Variants in BRD3 observed in about 807,000 individuals in gnomAD.
The protein encoded by BRD3 is bromodomain-containing protein 3.
Under a neutral mutation model 66.8 loss-of-function variants are expected in BRD3, and 17 were observed. That is an observed-to-expected ratio of 0.25 (90% CI 0.17 to 0.38). The LOEUF is 0.38. Among genes scored for constraint, BRD3 ranks in the 10% least tolerant of loss-of-function variants. BRD3 has a pLI of 1.00. For synonymous variants in BRD3, 421 were observed against 393.2 expected (o/e 1.07, Z -0.84); for missense variants, 713 against 956.1 (o/e 0.75, Z 3.35).
chr9:134,067,679 CAAGCGG>C (rs1261595496), intron 1 of BRD3, among the ~76,000 whole-genome samples: 1 of 146,230 alleles, frequency 6.8e-6, no homozygotes, highest in Non-Finnish European at 1.5e-5. Context: ...CGGAGGCGGC[CAAGCGG>C]GAGCGGGAGG....
At chr9:134,052,284 T>C in intron 3 of BRD3, 22 bp downstream of exon 3, 2 of 1,610,662 alleles carry the variant, frequency 1.2e-6, no homozygotes, top group Non-Finnish European at 1.7e-6. Context: ...GCAAGCGGCG[T>C]GCCAGGCCCG....
chr9:134,065,158 C>G (rs1240083984), intron 1 of BRD3, among the ~76,000 whole-genome samples: 2 of 152,250 alleles, frequency 1.3e-5, no homozygotes, highest in Non-Finnish European at 2.9e-5. Context: ...GGCACGGTGG[C>G]TCATGCCTGT....
At position 134,045,951 on chromosome 9, in the gene BRD3, G is replaced by C. The variant is rs1454818612; in HGVS notation, c.1087-530C>G. ...AGCACCCTGGTATCCCAGGGGCCTAGCTGGACCTAAGGGACTCCACGCTGT... is the reference window on the plus strand; with the variant it reads ...AGCACCCTGGTATCCCAGGGGCCTACCTGGACCTAAGGGACTCCACGCTGT... On this transcript the variant is annotated intron_variant, in intron 6 of 11. Coordinates refer to ENST00000303407, the MANE Select transcript of BRD3 (RefSeq NM_007371.4). This position sits in a 1 kb window ranked among gnomAD's most constrained non-coding sequence, Gnocchi z 4.8. 6.6e-6 allele frequency among the ~76,000 whole-genome samples: 1 copy of C among 152,238 alleles called. No individual in the cohort carries two copies. The highest frequency in any genetic ancestry group is 1.5e-5 in the Non-Finnish European group (1 of 68,028).
At chr9:134,053,661 C>T (rs919471630) in intron 1 of BRD3, 71 bp from the exon 2 acceptor site, 79 of 1,372,952 alleles carry the variant, frequency 5.8e-5, no homozygotes, top group African/African-American at 3.4e-4. Context: ...CCAGCCTCGG[C>T]GGGCTCCTGA....
chr9:134,067,753 G>C (rs1200468248), intron 1 of BRD3, among the ~76,000 whole-genome samples, 192 bp downstream of exon 1: 2 of 145,030 alleles, frequency 1.4e-5, no homozygotes, highest in African/African-American at 4.9e-5. Flanking sequence ...CCGGGCGGCC[G>C]CCGCGCTTTG....
At chr9:134,047,733 G>C (rs1830205125) in intron 6 of BRD3, among the ~76,000 whole-genome samples, 1 of 152,216 alleles carries the variant, frequency 6.6e-6, no homozygotes, top group African/African-American at 2.4e-5. Flanking sequence ...GGGAAGCAAA[G>C]TGCAGCTTTA....
chr9:134,042,511 T>C (rs1305141085), intron 7 of BRD3, among the ~76,000 whole-genome samples: 1 of 152,054 alleles, frequency 6.6e-6, no homozygotes, highest in East Asian at 1.9e-4. Flanking sequence ...GCAGCACATG[T>C]CTGTGATCCT....
chr9:134,048,781 G>A (rs554190880), intron 5 of BRD3, among the ~76,000 whole-genome samples: 1 of 152,328 alleles, frequency 6.6e-6, no homozygotes, highest in African/African-American at 2.4e-5. Flanking sequence ...AGCCATGTGA[G>A]GTGCTGCATG....
intron 1 of BRD3, chr9:134,058,793 C>G (rs533462648): frequency 1.3e-5 from 2 of 152,318 alleles, no homozygotes; most frequent in Non-Finnish European, 2.9e-5. Flanking sequence ...AAGAAAAAAC[C>G]CAGTATCCCC....
intron 1 of BRD3, among the ~76,000 whole-genome samples, chr9:134,065,698 G>A (rs1035987467): frequency 1.3e-5 from 2 of 152,154 alleles, no homozygotes; most frequent in African/African-American, 2.4e-5. Flanking sequence ...ATCGACAACT[G>A]GGCATAGCTG....
intron 8 of BRD3, among the ~76,000 whole-genome samples, chr9:134,041,164 C>T (rs1487854229): frequency 3.3e-5 from 5 of 152,234 alleles, no homozygotes; most frequent in Admixed American, 2.6e-4. Context: ...GCTCTATTTT[C>T]TCCCAATCTG....
chr9:134,050,403 C>A lies in BRD3; in HGVS notation c.685G>T (p.Val229Leu). Residue 229 changes from valine to leucine, a missense_variant, in exon 5 of 12, where the codon GTG (valine) becomes TTG (leucine). This residue lies in a region of BRD3 where 120 missense variants were observed against 122.8 expected (regional missense o/e 0.98). Transcript: ENST00000303407. Reference protein sequence around the residue: ...PPPPATPIVPVVPPTPPVVKK... With the variant: ...PPPPATPIVPLVPPTPPVVKK... Reference sequence around the variant, plus strand: ...ACGACAGGCGGCGTAGGAGGGACCACGGGGACGATGGGTGTGGCAGGAGGA... The same window carrying A: ...ACGACAGGCGGCGTAGGAGGGACCAAGGGGACGATGGGTGTGGCAGGAGGA... The A allele has an allele frequency of 1.2e-6, 2 of 1,611,666 alleles. No individual in the cohort carries two copies. The highest frequency in any genetic ancestry group is 1.7e-6 in the Non-Finnish European group (2 of 1,179,574).
chr9:134,032,334 G>C lies in BRD3; in HGVS notation c.*1256C>G, dbSNP rs929437299. The C allele has an allele frequency of 2.3e-5, 5 of 213,712 alleles. No homozygotes were observed. The highest frequency in any genetic ancestry group is 1.1e-4 in the African/African-American group (5 of 43,486). The allele number at this position is 213,712 out of a possible 1,614,324, so 13.2% of individuals were successfully genotyped here. On this transcript the variant is annotated 3_prime_UTR_variant, in exon 12 of 12. Transcript: ENST00000303407. ...CCCTAAATTGATTTCTTTTAAAACA[G>C]TCTTAAAGAGACCAGAAGTGAATAC...
At chr9:134,043,538 CAGG>C (rs1830106243) in intron 7 of BRD3, among the ~76,000 whole-genome samples, 2 of 152,248 alleles carry the variant, frequency 1.3e-5, no homozygotes, top group South Asian at 4.1e-4. Flanking sequence ...GCTCTCCTCT[CAGG>C]AGATGTCCCC....
chr9:134,041,660 G>A (rs2106223), intron 8 of BRD3, 100 bp downstream of exon 8: 6 of 1,262,144 alleles, frequency 4.8e-6, no homozygotes, highest in African/African-American at 3.4e-5. Context: ...CTGAGGGACA[G>A]GGGCAGAGGA....
At chr9:134,052,734 A>C (rs1281452483) in intron 2 of BRD3, among the ~76,000 whole-genome samples, 1 of 152,206 alleles carries the variant, frequency 6.6e-6, no homozygotes, top group East Asian at 1.9e-4. Context: ...CCTTCCAGGG[A>C]CCAAACCTGC....
At position 134,032,840 on chromosome 9, in the gene BRD3, CTTT is replaced by C; in HGVS notation, c.*747_*749del. 9.3e-6 allele frequency: 2 copies of C among 214,436 alleles called. No homozygotes were observed. Among genetic ancestry groups the C allele is most frequent in the Non-Finnish European group, 1.7e-5 (2 of 116,356 alleles). The allele number at this position is 214,436 out of a possible 1,614,324, so 13.3% of individuals were successfully genotyped here. A position where few individuals can be genotyped will look rare whatever the true frequency, so the allele number is the denominator to read the frequency against. On this transcript the variant is annotated 3_prime_UTR_variant, in exon 12 of 12. Coordinates refer to ENST00000303407, the MANE Select transcript of BRD3 (RefSeq NM_007371.4). ...TGCCGAACCTTACAAAAAAAGTCTCCTTTTTTTTTTTTTTTAAATCTTTTCTTC... is the reference window on the plus strand; with the variant it reads ...TGCCGAACCTTACAAAAAAAGTCTCCTTTTTTTTTTTTAAATCTTTTCTTC...
intron 1 of BRD3, 43 bp from the exon 2 acceptor site, chr9:134,053,633 C>G (rs978818099): frequency 1.5e-5 from 22 of 1,426,508 alleles, no homozygotes; most frequent in Non-Finnish European, 2.0e-5. Context: ...CCAGTCACCC[C>G]GGGGACCCCC....
At chr9:134,065,696 C>T (rs1194301736) in intron 1 of BRD3, among the ~76,000 whole-genome samples, 1 of 152,202 alleles carries the variant, frequency 6.6e-6, no homozygotes, top group African/African-American at 2.4e-5. Context: ...CCATCGACAA[C>T]TGGGCATAGC....
Sources: gnomAD v4.1 joint callset for allele counts (sites outside exome capture counted in the v4.1 genomes callset) on GRCh38, gnomAD v4.1.1 for gene constraint, gnomAD v4.1.1 regional missense constraint, Gnocchi (gnomAD v3.1) non-coding constraint, MANE v1.5 for transcripts, NCBI Gene and HGNC (gene_info 2026-07-23, HGNC 2026-07-21) for gene names.